Variants in ARHGEF26 observed in about 807,000 individuals in gnomAD.
ARHGEF26 encodes Rho guanine nucleotide exchange factor 26, also known as Rho guanine nucleotide exchange factor (GEF) 26.
Under a neutral mutation model 89.4 loss-of-function variants are expected in ARHGEF26, and 59 were observed. The ratio of observed to expected loss-of-function variants is 0.66; its 90% CI spans 0.54 to 0.82. The LOEUF is 0.82. Among genes scored for constraint, ARHGEF26 ranks in the 40% least tolerant of loss-of-function variants. ARHGEF26 has a pLI of 0.00. For synonymous variants in ARHGEF26, 500 were observed against 428.4 expected (o/e 1.17, Z -2.06); for missense variants, 1,234 against 1,085.6 (o/e 1.14, Z -1.92).
intron 7 of ARHGEF26, among the ~76,000 whole-genome samples, chr3:154,189,110 CTG>C (rs1486840085): frequency 6.6e-6 from 1 of 152,024 alleles, no homozygotes; most frequent in Non-Finnish European, 1.5e-5. Context: ...CAGAGGTTCT[CTG>C]TAACTGTTAG....
intron 6 of ARHGEF26, among the ~76,000 whole-genome samples, chr3:154,186,181 T>C (rs1713529688): frequency 8.1e-6 from 1 of 123,924 alleles, no homozygotes; most frequent in Non-Finnish European, 1.7e-5. Flanking sequence ...ATACACATAC[T>C]ATTGTACAGT....
chr3:154,247,759 G>A (rs755336636), intron 12 of ARHGEF26, among the ~76,000 whole-genome samples: 4 of 152,090 alleles, frequency 2.6e-5, no homozygotes, highest in African/African-American at 4.8e-5. Context: ...TGCTATTAAG[G>A]ATTCAGTCAA....
intron 9 of ARHGEF26, among the ~76,000 whole-genome samples, chr3:154,207,770 C>T (rs988092197): frequency 6.6e-6 from 1 of 152,240 alleles, no homozygotes; most frequent in Non-Finnish European, 1.5e-5. Flanking sequence ...GAATAGGAAT[C>T]GTTCTGTTAT....
intron 6 of ARHGEF26, among the ~76,000 whole-genome samples, chr3:154,159,529 C>T (rs192518903): frequency 5.3e-5 from 8 of 152,100 alleles, no homozygotes; most frequent in African/African-American, 1.2e-4. Flanking sequence ...GTACTTACCC[C>T]GCACTTGCTT....
chr3:154,194,549 T>C, intron 8 of ARHGEF26, 95 bp from the exon 9 acceptor site: 1 of 846,286 alleles, frequency 1.2e-6, no homozygotes, highest in East Asian at 2.7e-5. Flanking sequence ...TGTTTGGCAT[T>C]GTTTGCTATG....
intron 11 of ARHGEF26, among the ~76,000 whole-genome samples, chr3:154,234,650 G>C (rs564527578): frequency 6.6e-6 from 1 of 152,152 alleles, no homozygotes; most frequent in African/African-American, 2.4e-5. Flanking sequence ...AGACATGTCT[G>C]TGTCAACTCG....
chr3:154,251,383 T>C (rs1356069718), intron 12 of ARHGEF26, among the ~76,000 whole-genome samples: 1 of 152,134 alleles, frequency 6.6e-6, no homozygotes, highest in Non-Finnish European at 1.5e-5. Flanking sequence ...CATTCTGGAG[T>C]TTATAGCCTG....
rs146997885 is a variant in ARHGEF26, at chr3:154,240,704, G to A, written c.2300+125G>A. 279 of 775,422 alleles carry A rather than the reference G, an allele frequency of 3.6e-4. No individual in the cohort carries two copies. The Middle Eastern group carries it at 4.8e-3, about 13-fold the overall frequency. 48.0% of individuals were successfully genotyped at this position (775,422 alleles called of 1,614,324 possible). A position where few individuals can be genotyped will look rare whatever the true frequency, so the allele number is the denominator to read the frequency against. On this transcript the variant is annotated intron_variant, in intron 12 of 14. Coordinates refer to ENST00000465093, the MANE Select transcript of ARHGEF26 (RefSeq NM_015595.4). Reference sequence around the variant, plus strand: ...TGTTTTTGTTGAGCACCTACTGTTCGCTAAGCACTATGACTGGGTAATTTT... The same window carrying A: ...TGTTTTTGTTGAGCACCTACTGTTCACTAAGCACTATGACTGGGTAATTTT...
chr3:154,222,413 C>G (rs1716190906), intron 10 of ARHGEF26, among the ~76,000 whole-genome samples: 1 of 152,192 alleles, frequency 6.6e-6, no homozygotes, highest in Admixed American at 6.5e-5. Flanking sequence ...CCAGAACTGA[C>G]CTGCCTGAGT....
chr3:154,252,824 A>AATT (rs1317213194), intron 12 of ARHGEF26, among the ~76,000 whole-genome samples: 10 of 152,348 alleles, frequency 6.6e-5, no homozygotes, highest in African/African-American at 2.4e-4. Flanking sequence ...TTGGAGTTAT[A>AATT]ATGTGTTCGT....
chr3:154,126,875 TAAAC>T (rs1016035620), intron 3 of ARHGEF26, among the ~76,000 whole-genome samples: 29 of 152,144 alleles, frequency 1.9e-4, no homozygotes, highest in African/African-American at 6.3e-4. Context: ...AGAGCGTACT[TAAAC>T]AAACCAGATG....
intron 10 of ARHGEF26, among the ~76,000 whole-genome samples, chr3:154,223,803 C>T (rs1386245249): frequency 6.6e-6 from 1 of 152,132 alleles, no homozygotes; most frequent in Non-Finnish European, 1.5e-5. Flanking sequence ...ATACTAGAAA[C>T]CACTGTATTC....
chr3:154,186,165 A>ACACACACACACACC (rs766757043), intron 6 of ARHGEF26, among the ~76,000 whole-genome samples: 45 of 150,136 alleles, frequency 3.0e-4, no homozygotes, highest in Non-Finnish European at 5.2e-4. Context: ...ACACACACAC[A>ACACACACACACACC]CCCCTATACA....
intron 6 of ARHGEF26, among the ~76,000 whole-genome samples, chr3:154,167,113 A>G (rs532833649): frequency 7.9e-5 from 12 of 152,332 alleles, no homozygotes; most frequent in East Asian, 1.9e-4. Flanking sequence ...CTTTAAATGA[A>G]TAGGTCCACA....
chr3:154,210,718 G>A (rs1173755978), intron 9 of ARHGEF26, among the ~76,000 whole-genome samples: 9 of 150,470 alleles, frequency 6.0e-5, no homozygotes, highest in Non-Finnish European at 1.0e-4. Flanking sequence ...GAGGCAGGCG[G>A]ATCACCTGAG....
intron 12 of ARHGEF26, among the ~76,000 whole-genome samples, chr3:154,250,199 T>G (rs1718045830): frequency 6.6e-6 from 1 of 152,112 alleles, no homozygotes; most frequent in African/African-American, 2.4e-5. Flanking sequence ...CCAGCTAATT[T>G]TGTATTTTTA....
intron 4 of ARHGEF26, among the ~76,000 whole-genome samples, chr3:154,144,245 A>C (rs972536124): frequency 6.6e-6 from 1 of 152,168 alleles, no homozygotes; most frequent in African/African-American, 2.4e-5. Flanking sequence ...GGGGGTGGAC[A>C]GGCCGGCCCA....
At chr3:154,139,325 C>G (rs1719214649) in intron 4 of ARHGEF26, among the ~76,000 whole-genome samples, 1 of 152,138 alleles carries the variant, frequency 6.6e-6, no homozygotes, top group African/African-American at 2.4e-5. Flanking sequence ...TTTTATCAAT[C>G]TTGTACTTTT....
rs996678377 is a variant in ARHGEF26 at position 154,153,024 on chromosome 3, CA to C, written c.1487+94del. ...TCTAAAGGAAGGCATTTCTGGTTAT[CA>C]AGTCTCATTCAGTTGGCTTTTGTCT... On this transcript the variant is annotated intron_variant, in intron 6 of 14. Coordinates refer to ENST00000465093, the MANE Select transcript of ARHGEF26 (RefSeq NM_015595.4). 1.4e-5 allele frequency: 17 copies of C among 1,175,878 alleles called. No homozygotes were observed. In the African/African-American group the frequency reaches 2.7e-4, roughly 19 times the overall value. 72.8% of individuals were successfully genotyped at this position (1,175,878 alleles called of 1,614,324 possible).
Sources: allele counts gnomAD v4.1 joint callset (sites outside exome capture counted in the v4.1 genomes callset), GRCh38; gene constraint gnomAD v4.1.1; transcripts MANE v1.5; gene names NCBI Gene and HGNC (gene_info 2026-07-23, HGNC 2026-07-21).